Variants in ACADSB observed in about 807,000 individuals in gnomAD.
The protein encoded by ACADSB is acyl-CoA dehydrogenase short/branched chain, also known as short/branched chain specific acyl-CoA dehydrogenase, mitochondrial.
A neutral mutation model predicts 54.1 loss-of-function variants in ACADSB; 40 were observed. The observed-to-expected ratio is 0.74, with a 90% CI of 0.57 to 0.96. ACADSB has a LOEUF of 0.96. Ranked by LOEUF, ACADSB falls within the 40% of genes least tolerant of loss-of-function variation. The pLI is 0.00. For synonymous variants in ACADSB, 182 were observed against 182.8 expected (o/e 1.00, Z 0.03); for missense variants, 530 against 510.4 (o/e 1.04, Z -0.37).
intron 1 of ACADSB, among the ~76,000 whole-genome samples, chr10:123,033,697 A>G (rs1476424340): frequency 6.6e-6 from 1 of 152,216 alleles, no homozygotes; most frequent in African/African-American, 2.4e-5. Flanking sequence ...ACAGGTAAGG[A>G]AACTGAGACT....
intron 1 of ACADSB, among the ~76,000 whole-genome samples, chr10:123,009,756 T>A (rs376895930): frequency 6.6e-6 from 1 of 152,250 alleles, no homozygotes; most frequent in Non-Finnish European, 1.5e-5. Flanking sequence ...TTAATTCTTA[T>A]CTGTGCACCC....
chr10:123,030,307 C>T (rs1273658015), intron 1 of ACADSB, among the ~76,000 whole-genome samples: 1 of 152,178 alleles, frequency 6.6e-6, no homozygotes, highest in Non-Finnish European at 1.5e-5. Context: ...GGGCGGATCA[C>T]TTGAGGCCAG....
rs145529589 is a variant in ACADSB, at chr10:123,041,338, G to A, written c.640G>A (p.Ala214Thr). 3.8e-5 allele frequency: 62 copies of A among 1,614,062 alleles called. No homozygotes were observed. The highest frequency in any genetic ancestry group is 1.0e-4 in the Admixed American group (6 of 60,008). ...GATGTGGATCAGCAGTGCTGAGCAC[G>A]CAGGGCTCTTTCTGGTGATGGCAAA... Reference protein sequence around the residue: ...SKMWISSAEHAGLFLVMANVD... With the variant: ...SKMWISSAEHTGLFLVMANVD... Residue 214 changes from alanine to threonine, a missense_variant, in exon 5 of 11, where the codon GCA (alanine) becomes ACA (threonine). Physicochemically the swap from Ala to Thr is moderately conservative, Grantham distance 58. Transcript: ENST00000358776.
chr10:123,020,078 T>A (rs59745317), intron 1 of ACADSB, among the ~76,000 whole-genome samples: 1,817 of 152,280 alleles, frequency 0.012, 37 homozygotes, highest in African/African-American at 0.042. Context: ...TTAACAGTAG[T>A]AAAAGGTTTA....
In ACADSB at chr10:123,045,154, TATATATATATATATATA is replaced by T. The variant is rs1428894846; in HGVS notation, c.900+670_900+686del. Among the ~76,000 whole-genome samples, 45 of 12,776 alleles carry T rather than the reference TATATATATATATATATA, an allele frequency of 3.5e-3. 1 individual carries two copies. The highest frequency in any genetic ancestry group is 9.7e-3 in the African/African-American group (32 of 3,292). The allele number at this position is 12,776 out of a possible 152,430, so 8.4% of individuals were successfully genotyped here. On this transcript the variant is annotated intron_variant, in intron 7 of 10. Transcript: ENST00000358776. ...GTGTATATATATATATATATATATA[TATATATATATATATATA>T]TTTTTTTTTTTTTTTTTTTTTTTTT...
At chr10:123,037,494 GCTTT>G (rs1294540006) in intron 2 of ACADSB, among the ~76,000 whole-genome samples, 1 of 151,952 alleles carries the variant, frequency 6.6e-6, no homozygotes, top group Non-Finnish European at 1.5e-5. Context: ...TTCATTTTGT[GCTTT>G]CTTTATTGCT....
At chr10:123,019,148 A>G (rs1850144438) in intron 1 of ACADSB, among the ~76,000 whole-genome samples, 1 of 152,216 alleles carries the variant, frequency 6.6e-6, no homozygotes, top group South Asian at 2.1e-4. Context: ...GAATTTGTTT[A>G]AACTTCATTT....
intron 2 of ACADSB, among the ~76,000 whole-genome samples, chr10:123,035,704 C>T (rs1850389751): frequency 6.6e-6 from 1 of 152,140 alleles, no homozygotes; most frequent in African/African-American, 2.4e-5. Flanking sequence ...GTACGCAGTT[C>T]TTTGCTGTTG....
At chr10:123,039,797 C>T (rs1463087060) in intron 3 of ACADSB, among the ~76,000 whole-genome samples, 2 of 152,178 alleles carry the variant, frequency 1.3e-5, no homozygotes, top group South Asian at 2.1e-4. Flanking sequence ...CCCCACCTAC[C>T]TGCTTTAAGC....
At chr10:123,051,230 C>CTTTT (rs3833736) in intron 9 of ACADSB, 44 bp downstream of exon 9, 384 of 985,382 alleles carry the variant, frequency 3.9e-4, no homozygotes, top group Middle Eastern at 2.6e-3. Flanking sequence ...GTAATTCAGC[C>CTTTT]TTTTTTTTTT....
At chr10:123,031,891 A>T (rs926125297) in intron 1 of ACADSB, among the ~76,000 whole-genome samples, 1 of 152,202 alleles carries the variant, frequency 6.6e-6, no homozygotes, top group African/African-American at 2.4e-5. Flanking sequence ...TGAAATCAAG[A>T]GGCTCACAGT....
At chr10:123,029,276 G>T (rs1478255860) in intron 1 of ACADSB, among the ~76,000 whole-genome samples, 1 of 151,694 alleles carries the variant, frequency 6.6e-6, no homozygotes, top group Non-Finnish European at 1.5e-5. Flanking sequence ...AACCCAGGAG[G>T]TGCAGTTTGT....
intron 1 of ACADSB, among the ~76,000 whole-genome samples, chr10:123,013,206 T>C (rs1455709000): frequency 1.3e-5 from 2 of 152,214 alleles, no homozygotes; most frequent in East Asian, 3.9e-4. Context: ...TGCTGATTGG[T>C]GTATTTACAA....
In ACADSB at chr10:123,040,487, C is replaced by T; in HGVS notation, c.325C>T (p.Pro109Ser). The T allele has an allele frequency of 1.2e-6, 2 of 1,613,714 alleles. No individual in the cohort carries two copies. The highest frequency in any genetic ancestry group is 1.3e-5 in the African/African-American group (1 of 74,890). ...TTAGTTGATGGGTATTGAAGTTGAC[C>T]CAGAATATGGAGGCACAGGAGCTTC... ...QQGLMGIEVD[P>S]EYGGTGASFL... Residue 109 changes from proline (P) to serine (S), a missense_variant, in exon 4 of 11, where the codon CCA becomes TCA. Pro to Ser is a moderately conservative substitution (Grantham distance 74). Coordinates refer to ENST00000358776, the MANE Select transcript of ACADSB (RefSeq NM_001609.4).
chr10:123,030,363 TA>T (rs1412920714), intron 1 of ACADSB, among the ~76,000 whole-genome samples: 3 of 151,854 alleles, frequency 2.0e-5, no homozygotes, highest in African/African-American at 7.3e-5. Flanking sequence ...CCATCTCTAC[TA>T]AAAATAGAAA....
chr10:123,043,574 T>G (rs1850506056), intron 6 of ACADSB, among the ~76,000 whole-genome samples: 1 of 152,152 alleles, frequency 6.6e-6, no homozygotes, highest in Non-Finnish European at 1.5e-5. Context: ...CTATTAAACG[T>G]GAGCAGCAGA....
chr10:123,047,906 C>T (rs964291546), intron 8 of ACADSB, among the ~76,000 whole-genome samples: 2 of 152,144 alleles, frequency 1.3e-5, no homozygotes, highest in African/African-American at 4.8e-5. Context: ...TGCAGTCAGC[C>T]AAGCACTTGG....
At chr10:123,044,536 A>C in intron 7 of ACADSB, 51 bp downstream of exon 7, 1 of 1,451,370 alleles carries the variant, frequency 6.9e-7, no homozygotes. Context: ...AACTGTGAAA[A>C]GAAAAAAATG....
At chr10:123,043,206 G>A in intron 6 of ACADSB, 35 bp downstream of exon 6, 2 of 1,611,298 alleles carry the variant, frequency 1.2e-6, no homozygotes, top group Middle Eastern at 1.7e-4. Flanking sequence ...AAAGACTGAT[G>A]CGAAATAAGC....
Sources: gnomAD v4.1 joint callset for allele counts (sites outside exome capture counted in the v4.1 genomes callset) on GRCh38, gnomAD v4.1.1 for gene constraint, MANE v1.5 for transcripts, NCBI Gene and HGNC (gene_info 2026-07-23, HGNC 2026-07-21) for gene names.